The following PTRH1 variants were observed in gnomAD, a reference collection of about 807,000 sequenced individuals.
The protein encoded by PTRH1 is peptidyl-tRNA hydrolase.
Under a neutral mutation model 15.7 loss-of-function variants are expected in PTRH1, and 13 were observed. That is an observed-to-expected ratio of 0.83 (90% CI 0.54 to 1.31). The LOEUF (loss-of-function observed/expected upper bound fraction) is 1.31. Ranked by LOEUF, PTRH1 falls within the 40% of genes most tolerant of loss-of-function variation. The probability of loss-of-function intolerance (pLI) is 0.00; values close to 1 mark genes in which losing one functional copy is unlikely to be tolerated. For missense variants in PTRH1, 319 were observed against 296.2 expected, an observed-to-expected ratio of 1.08 and a Z score of -0.56; for synonymous variants, 139 against 136.7, an observed-to-expected ratio of 1.02 and a Z score of -0.12.
chr9:127,715,490 C>G lies in PTRH1; in HGVS notation c.96+54G>C. 1 of 1,611,518 alleles carries G rather than the reference C, an allele frequency of 6.2e-7. No homozygotes were observed. The highest frequency in any genetic ancestry group is 8.5e-7 in the Non-Finnish European group (1 of 1,179,192). On this transcript the variant is annotated intron_variant, in intron 1 of 4. Transcript: ENST00000543175. This position sits in a 1 kb window ranked among gnomAD's most constrained non-coding sequence, Gnocchi z 5.8. The stretch of plus-strand genomic sequence containing the variant: ...GCACTCGGCTCCCGGGACATAATGG[C>G]CGAACTGAAGCTAGGGACCGGGAGC...
Position 127,715,184 on chromosome 9 carries a change from A to T in PTRH1, c.107T>A (p.Leu36Gln). The T allele has an allele frequency of 6.5e-7, 1 of 1,527,018 alleles. No homozygotes were observed. Among genetic ancestry groups the T allele is most frequent in the Non-Finnish European group, 8.8e-7 (1 of 1,141,244 alleles). 94.6% of individuals were successfully genotyped at this position (1,527,018 alleles called of 1,614,324 possible). Residue 36 changes from leucine to glutamine, a missense_variant, in exon 2 of 5, where the codon CTG becomes CAG. By Grantham distance (113) the Leu-to-Gln change is moderately radical. Transcript: ENST00000543175. This position sits in a 1 kb window ranked among gnomAD's most constrained non-coding sequence, Gnocchi z 5.8. ...CGTGCCGGGCAGTCCGGGATTCCCC[A>T]GGCCAGCCACCTGCGGGCGGCACCA... ...PPGKRWMVAG[L>Q]GNPGLPGTRH... is the part of the protein sequence containing the mutation.
At chr9:127,709,430 G>C (rs766299570), downstream of PTRH1, 1 of 1,613,334 alleles carries the variant, frequency 6.2e-7, no homozygotes, top group South Asian at 1.1e-5. The surrounding 1 kb of genome is among the most constrained non-coding windows in gnomAD (Gnocchi z 4.7). Flanking sequence ...AGGTACCAGC[G>C]GAAGTGGGAT....
rs577587450 is a variant in PTRH1 at position 127,708,426 on chromosome 9, G to A, written c.205+7009C>T. Among the ~76,000 whole-genome samples, 13 of 152,214 alleles carry A rather than the reference G, an allele frequency of 8.5e-5. No homozygotes were observed. The East Asian group carries it at 1.7e-3, about 20-fold the overall frequency. ...TGGGAGGCAGAGGTTGCAGAGAGCC[G>A]AGATCGTGCCACTGCACTCCAACCT... is the stretch of plus-strand genomic sequence containing the variant. On this transcript the variant is annotated intron_variant, in intron 1 of 2. Coordinates refer to the PTRH1 transcript ENST00000335223.
downstream of PTRH1, chr9:127,711,403 G>C: frequency 6.2e-7 from 1 of 1,614,194 alleles, no homozygotes; most frequent in South Asian, 1.1e-5. Context: ...AGAATGAGCA[G>C]CTCAAGGGAA....
downstream of PTRH1, chr9:127,710,582 T>C (rs755420258): frequency 1.3e-6 from 2 of 1,568,882 alleles, no homozygotes; most frequent in South Asian, 2.3e-5. Flanking sequence ...CATTGGGCCT[T>C]GTGCGCTGTG....
At chr9:127,709,342 C>A, downstream of PTRH1, 1 of 1,460,646 alleles carries the variant, frequency 6.8e-7, no homozygotes, top group South Asian at 1.3e-5. This position sits in a 1 kb window ranked among gnomAD's most constrained non-coding sequence, Gnocchi z 4.7. Flanking sequence ...GACAGGGAGT[C>A]CAGGAGAGTG....
chr9:127,709,827 A>G (rs1842724003), downstream of PTRH1: 1 of 1,052,320 alleles, frequency 9.5e-7, no homozygotes, highest in African/African-American at 1.6e-5. The surrounding 1 kb of genome is among the most constrained non-coding windows in gnomAD (Gnocchi z 4.7). Context: ...TTGTCCCAGC[A>G]ATCCTACGAA....
chr9:127,712,577 C>T (rs762148428), downstream of PTRH1: 59 of 1,559,612 alleles, frequency 3.8e-5, no homozygotes, highest in Non-Finnish European at 4.5e-5. Flanking sequence ...TCAGTCTTCC[C>T]GACTGAAGAA....
chr9:127,710,810 A>T, downstream of PTRH1: 1 of 1,538,776 alleles, frequency 6.5e-7, no homozygotes, highest in Non-Finnish European at 8.8e-7. Context: ...TGGGGCTACG[A>T]ACATCCTAGT....
In PTRH1 at chr9:127,700,495, C is replaced by A. The variant is rs1375897692; in HGVS notation, c.206-5354G>T. Among the ~76,000 whole-genome samples, 5 of 152,118 alleles carry A rather than the reference C, an allele frequency of 3.3e-5. No individual in the cohort carries two copies. The South Asian group carries it at 8.3e-4, about 25-fold the overall frequency. ...AGGAACCCCAGAAAAACCTTAAAAACAGTTCCCAGCCATGATGAGATGGGG... is the reference window on the plus strand; with the variant it reads ...AGGAACCCCAGAAAAACCTTAAAAAAAGTTCCCAGCCATGATGAGATGGGG... On this transcript the variant is annotated intron_variant, in intron 1 of 2. Coordinates refer to the PTRH1 transcript ENST00000335223.
At chr9:127,695,985 A>T (rs1404479202) in intron 1 of PTRH1, 1 of 152,174 alleles carries the variant, frequency 6.6e-6, no homozygotes, top group Non-Finnish European at 1.5e-5. Context: ...ACGGGCTTAA[A>T]AGTACTTCAT....
Position 127,715,615 on chromosome 9 carries a change from C to A in PTRH1, c.25G>T (p.Ala9Ser), listed in dbSNP as rs893744917. 6.2e-7 allele frequency: 1 copy of A among 1,612,732 alleles called. No homozygotes were observed. Among genetic ancestry groups the A allele is most frequent in the African/African-American group, 1.3e-5 (1 of 74,942 alleles). MRPGGFLG[A>S]GQRLSRAMSR... is the part of the protein sequence containing the mutation. ...ATGGCTCTACTCAGCCGCTGTCCGG[C>A]GCCCAAAAAGCCGCCCGGCCTCATG... The change falls in exon 1 of 5, where the codon GCC becomes TCC. Residue 9 changes from alanine to serine, a missense_variant. Transcript: ENST00000543175. This position sits in a 1 kb window ranked among gnomAD's most constrained non-coding sequence, Gnocchi z 5.8.
Position 127,705,198 on chromosome 9 carries a change from T to A in PTRH1, c.206-10057A>T, listed in dbSNP as rs1842634138. On this transcript the variant is annotated intron_variant, in intron 1 of 2. Transcript: ENST00000335223. This position sits in a 1 kb window ranked among gnomAD's most constrained non-coding sequence, Gnocchi z 4.7. Reference sequence around the variant, plus strand: ...TGCATGGCTTTGTGCACTGCCTGACTCCCCTCAGAAGACCCAGCTCCTGCA... The same window carrying A: ...TGCATGGCTTTGTGCACTGCCTGACACCCCTCAGAAGACCCAGCTCCTGCA... 6.6e-6 allele frequency among the ~76,000 whole-genome samples: 1 copy of A among 152,062 alleles called. No individual in the cohort carries two copies. Among genetic ancestry groups the A allele is most frequent in the Non-Finnish European group, 1.5e-5 (1 of 67,986 alleles).
At chr9:127,712,136 C>T (rs935582456), downstream of PTRH1, 1 of 1,588,002 alleles carries the variant, frequency 6.3e-7, no homozygotes, top group Admixed American at 1.8e-5. Context: ...GGGCCCCTGG[C>T]CCCAGGTGGC....
At chr9:127,711,837 TA>T (rs1842772545), downstream of PTRH1, 1 of 1,570,844 alleles carries the variant, frequency 6.4e-7, no homozygotes, top group Non-Finnish European at 8.6e-7. Context: ...TCATGCTGAC[TA>T]AGAAGTGCCA....
At chr9:127,702,855 G>A (rs1372258642) in intron 1 of PTRH1, among the ~76,000 whole-genome samples, 2 of 151,544 alleles carry the variant, frequency 1.3e-5, no homozygotes, top group South Asian at 2.1e-4. Flanking sequence ...GGGACTACAG[G>A]CATGTGCCAC....
downstream of PTRH1, among the ~76,000 whole-genome samples, chr9:127,710,295 A>AC (rs1554781378): frequency 0.014 from 2,205 of 152,088 alleles, 66 homozygotes; most frequent in African/African-American, 0.049. Context: ...AAAAAAAAAA[A>AC]AAAACAAAAC....
At chr9:127,713,013 C>T (rs972437141), downstream of PTRH1, 3 of 1,612,040 alleles carry the variant, frequency 1.9e-6, no homozygotes, top group Non-Finnish European at 2.5e-6. Context: ...CGGCCCCCTC[C>T]CCACAGCCGG....
chr9:127,710,574 T>C (rs370956723), downstream of PTRH1: 376 of 1,564,268 alleles, frequency 2.4e-4, no homozygotes, highest in Non-Finnish European at 3.0e-4. Context: ...CAGCCCATCA[T>C]TGGGCCTTGT....
Sources: allele counts gnomAD v4.1 joint callset (sites outside exome capture counted in the v4.1 genomes callset), GRCh38; gene constraint gnomAD v4.1.1; non-coding constraint Gnocchi (gnomAD v3.1); transcripts MANE v1.5; gene names NCBI Gene and HGNC (gene_info 2026-07-23, HGNC 2026-07-21).